ANXA4: variants seen among roughly 807,000 people sequenced by gnomAD.
ANXA4 encodes 35-beta calcimedin.
A neutral mutation model predicts 49.8 loss-of-function variants in ANXA4; 39 were observed. That is an observed-to-expected ratio of 0.78 (90% CI 0.61 to 1.02). The LOEUF (loss-of-function observed/expected upper bound fraction) is 1.02, where lower values mean the gene tolerates loss of function less well. Among genes scored for constraint, ANXA4 ranks in the 50% least tolerant of loss-of-function variants. The probability of loss-of-function intolerance (pLI) is 0.00; values close to 1 mark genes in which losing one functional copy is unlikely to be tolerated. For missense variants in ANXA4, 360 were observed against 410.1 expected (o/e 0.88, Z 1.05); for synonymous variants, 134 against 152.5 (o/e 0.88, Z 0.89).
chr2:69,777,679 C>G (rs1672016109), intron 1 of ANXA4, among the ~76,000 whole-genome samples: 1 of 152,198 alleles, frequency 6.6e-6, no homozygotes, highest in African/African-American at 2.4e-5. Context: ...CACAGTAAGC[C>G]AATTTCTGCT....
At chr2:69,708,064 C>T (rs910770501) in intron 2 of ANXA4, among the ~76,000 whole-genome samples, 1 of 152,170 alleles carries the variant, frequency 6.6e-6, no homozygotes, top group African/African-American at 2.4e-5. Context: ...AGAACATAAT[C>T]GCAAATATTC....
chr2:69,809,204 CT>C (rs1474375542), intron 6 of ANXA4: 1 of 152,048 alleles, frequency 6.6e-6, no homozygotes, highest in Non-Finnish European at 1.5e-5. Context: ...CGCCTTGCCC[CT>C]TCTTTTTACT....
intron 1 of ANXA4, among the ~76,000 whole-genome samples, chr2:69,757,238 T>TTATATATATATATATATATATATATA (rs869068494): frequency 1.7e-5 from 1 of 59,058 alleles, no homozygotes; most frequent in African/African-American, 6.3e-5. Flanking sequence ...CATTTTTGTT[T>TTATATATATATATATATATATATATA]TATATATATA....
chr2:69,758,814 G>T lies in ANXA4; in HGVS notation c.-47+16639G>T, dbSNP rs116146246. ...AGATATCACAAGGAATAAGCCAACA[G>T]AAGTAAGTATCTACAAGGCTAATTG... On this transcript the variant is annotated intron_variant, in intron 1 of 12. Transcript: ENST00000394295. Among the ~76,000 whole-genome samples, 431 of 152,164 alleles carry T rather than the reference G, an allele frequency of 2.8e-3. 1 individual carries two copies. Among genetic ancestry groups the T allele is most frequent in the African/African-American group, 9.7e-3 (402 of 41,514 alleles).
chr2:69,772,505 AG>A (rs60829335), intron 1 of ANXA4, among the ~76,000 whole-genome samples: 53,694 of 151,842 alleles, frequency 0.35, 10,814 homozygotes, highest in East Asian at 0.51. Context: ...GAGAGGCCTT[AG>A]CAATTGCTAA....
chr2:69,814,808 G>C (rs1296443508), intron 8 of ANXA4: 1 of 151,952 alleles, frequency 6.6e-6, no homozygotes, highest in African/African-American at 2.5e-5. Context: ...GAAAGAGAGA[G>C]AGGATGGAGT....
intron 1 of ANXA4, among the ~76,000 whole-genome samples, chr2:69,762,302 C>T (rs1671323651): frequency 6.6e-6 from 1 of 151,772 alleles, no homozygotes; most frequent in Admixed American, 6.6e-5. Flanking sequence ...TGGAGAATCA[C>T]TGGACCCTAA....
chr2:69,799,128 G>T (rs1407985262), intron 3 of ANXA4, among the ~76,000 whole-genome samples: 1 of 152,162 alleles, frequency 6.6e-6, no homozygotes, highest in Non-Finnish European at 1.5e-5. Context: ...ATATAGAGCA[G>T]AATTTTTTTT....
intron 1 of ANXA4, among the ~76,000 whole-genome samples, chr2:69,757,258 ATATATATATT>A (rs1372144664): frequency 4.3e-3 from 185 of 42,814 alleles, no homozygotes; most frequent in East Asian, 6.0e-3. Context: ...ATATATATAT[ATATATATATT>A]TTTTTTTTTT....
chr2:69,667,047 A>AAATAAAATAAAAT (rs1676964600), intron 2 of ANXA4, among the ~76,000 whole-genome samples: 1 of 152,026 alleles, frequency 6.6e-6, no homozygotes, highest in Non-Finnish European at 1.5e-5. Context: ...CTCCATCTCA[A>AAATAAAATAAAAT]AATAAAATAA....
At chr2:69,664,429 T>G (rs1421888010) in intron 2 of ANXA4, among the ~76,000 whole-genome samples, 1 of 152,170 alleles carries the variant, frequency 6.6e-6, no homozygotes, top group Non-Finnish European at 1.5e-5. Flanking sequence ...AGTTACAGCT[T>G]TCTAAAGTAC....
At position 69,757,262 on chromosome 2, in the gene ANXA4, ATATATTT is replaced by A. The variant is rs1285859018; in HGVS notation, c.-47+15089_-47+15095del. Among the ~76,000 whole-genome samples, 69 of 50,220 alleles carry A rather than the reference ATATATTT, an allele frequency of 1.4e-3. No homozygotes were observed. In the East Asian group the frequency reaches 0.014, roughly 10 times the overall value. The allele number at this position is 50,220 out of a possible 152,430, so 32.9% of individuals were successfully genotyped here. A position where few individuals can be genotyped will look rare whatever the true frequency, so the allele number is the denominator to read the frequency against. ...TTTATATATATATATATATATATAT[ATATATTT>A]TTTTTTTTTTTTTTTTTTTTAGGTG... On this transcript the variant is annotated intron_variant, in intron 1 of 12. Coordinates refer to ENST00000394295, the MANE Select transcript of ANXA4 (RefSeq NM_001153.5).
intron 3 of ANXA4, among the ~76,000 whole-genome samples, chr2:69,802,876 T>C (rs1362689144): frequency 6.6e-6 from 1 of 151,800 alleles, no homozygotes; most frequent in Non-Finnish European, 1.5e-5. Context: ...AAATTGATTG[T>C]TATATGGATT....
intron 2 of ANXA4, among the ~76,000 whole-genome samples, chr2:69,714,281 G>C (rs1177423799): frequency 6.6e-6 from 1 of 152,162 alleles, no homozygotes; most frequent in African/African-American, 2.4e-5. Context: ...ACCCCATGGA[G>C]TGGAGAAGTG....
intron 1 of ANXA4, among the ~76,000 whole-genome samples, chr2:69,646,853 C>T (rs1426413847): frequency 6.6e-6 from 1 of 152,214 alleles, no homozygotes; most frequent in Non-Finnish European, 1.5e-5. Flanking sequence ...CCCTGTTCCA[C>T]AAACCATAAC....
At chr2:69,692,164 C>T (rs910445966) in intron 2 of ANXA4, among the ~76,000 whole-genome samples, 1 of 152,144 alleles carries the variant, frequency 6.6e-6, no homozygotes, top group African/African-American at 2.4e-5. Context: ...GGATTACAGG[C>T]GTGAGCCACC....
chr2:69,780,146 T>C (rs547688250), intron 1 of ANXA4, among the ~76,000 whole-genome samples: 1 of 152,306 alleles, frequency 6.6e-6, no homozygotes, highest in South Asian at 2.1e-4. Context: ...CTTGTAAAAA[T>C]GCAGATTCTG....
intron 1 of ANXA4, among the ~76,000 whole-genome samples, chr2:69,767,212 G>T (rs1348156948): frequency 1.3e-5 from 2 of 152,198 alleles, no homozygotes; most frequent in Non-Finnish European, 2.9e-5. Flanking sequence ...TGTAGCAAAA[G>T]CTAGAAGAGC....
At chr2:69,760,067 C>T (rs1168269265) in intron 1 of ANXA4, among the ~76,000 whole-genome samples, 1 of 152,104 alleles carries the variant, frequency 6.6e-6, no homozygotes, top group Non-Finnish European at 1.5e-5. Context: ...CTCCTGACCT[C>T]GTGATCCACC....
Sources: allele counts gnomAD v4.1 joint callset (sites outside exome capture counted in the v4.1 genomes callset), GRCh38; gene constraint gnomAD v4.1.1; transcripts MANE v1.5; gene names NCBI Gene and HGNC (gene_info 2026-07-23, HGNC 2026-07-21).